Variants in SAMD12 observed in about 807,000 individuals in gnomAD.
The protein encoded by SAMD12 is sterile alpha motif domain-containing protein 12.
In SAMD12, 9 loss-of-function variants were observed where a neutral mutation model predicts 15.0. The ratio of observed to expected loss-of-function variants is 0.60; its 90% CI spans 0.36 to 1.05. The LOEUF is 1.05. Among genes scored for constraint, SAMD12 ranks in the 50% least tolerant of loss-of-function variants. The probability of loss-of-function intolerance (pLI) is 0.01; values close to 1 mark genes in which losing one functional copy is unlikely to be tolerated. For synonymous variants in SAMD12, 86 were observed against 90.1 expected (o/e 0.96, Z 0.25); for missense variants, 230 against 234.2 (o/e 0.98, Z 0.12).
chr8:118,255,887 G>C (rs957705575), intron 4 of SAMD12, among the ~76,000 whole-genome samples: 195 of 152,172 alleles, frequency 1.3e-3, no homozygotes, highest in African/African-American at 4.2e-3. Context: ...GGATGGCTGG[G>C]TCAAATGGTA....
intron 4 of SAMD12, among the ~76,000 whole-genome samples, chr8:118,355,679 A>G (rs528034772): frequency 2.6e-5 from 4 of 152,356 alleles, no homozygotes; most frequent in South Asian, 2.1e-4. Context: ...TTATGTACAC[A>G]GAAAGAAATT....
chr8:118,218,842 C>T (rs1812022104), intron 4 of SAMD12, among the ~76,000 whole-genome samples: 1 of 152,132 alleles, frequency 6.6e-6, no homozygotes, highest in Non-Finnish European at 1.5e-5. Context: ...AGTTGACCTT[C>T]ATCTCCTCTT....
At chr8:118,597,158 A>G (rs1827744940) in intron 1 of SAMD12, among the ~76,000 whole-genome samples, 1 of 152,282 alleles carries the variant, frequency 6.6e-6, no homozygotes, top group East Asian at 1.9e-4. Context: ...AGGAGCCTAC[A>G]GGCCACAAAA....
At chr8:118,180,726 C>A in the SAMD12 span, among the ~76,000 whole-genome samples, 1 of 150,738 alleles carries the variant, frequency 6.6e-6, no homozygotes. Context: ...GCACATGTCA[C>A]CACACCCAGC....
intron 3 of SAMD12, among the ~76,000 whole-genome samples, chr8:118,383,977 A>C (rs1411377817): frequency 6.6e-6 from 1 of 152,060 alleles, no homozygotes; most frequent in East Asian, 1.9e-4. Flanking sequence ...GATCCCAGAT[A>C]GTCATAAGTG....
rs1022695671 is a variant in SAMD12, at chr8:118,287,175, A to G, written c.434-89443T>C. ...AGTCTCGCTCTTTCGCCCAGGCCGG[A>G]CTACAGTGGCTCTATCTCGGCTCAC... On this transcript the variant is annotated intron_variant, in intron 4 of 4. Transcript: ENST00000409003. 1.6e-4 allele frequency among the ~76,000 whole-genome samples: 23 copies of G among 144,890 alleles called. No individual in the cohort carries two copies. The Admixed American group carries it at 1.6e-3, about 10-fold the overall frequency.
chr8:118,389,473 G>A (rs1473492558), intron 3 of SAMD12, among the ~76,000 whole-genome samples: 1 of 152,206 alleles, frequency 6.6e-6, no homozygotes, highest in East Asian at 1.9e-4. Context: ...CATTTTGGGA[G>A]CAGGCAGATC....
chr8:118,372,410 C>A (rs1289147360), intron 4 of SAMD12, among the ~76,000 whole-genome samples: 1 of 146,962 alleles, frequency 6.8e-6, no homozygotes, highest in African/African-American at 2.5e-5. Flanking sequence ...AGAACTTCTA[C>A]AAAGATGCAG....
chr8:118,452,241 C>G (rs144872791), intron 2 of SAMD12, among the ~76,000 whole-genome samples: 1 of 152,228 alleles, frequency 6.6e-6, no homozygotes, highest in East Asian at 1.9e-4. Flanking sequence ...TATGTGGTAC[C>G]TCATTATGGC....
chr8:118,529,932 T>C (rs1030609401), intron 2 of SAMD12, among the ~76,000 whole-genome samples: 7 of 152,236 alleles, frequency 4.6e-5, no homozygotes, highest in African/African-American at 9.6e-5. Context: ...GTTCTATTTT[T>C]AGTTCTTTGA....
chr8:118,157,078 A>C, the SAMD12 span, among the ~76,000 whole-genome samples: 4 of 152,342 alleles, frequency 2.6e-5, no homozygotes, highest in South Asian at 8.3e-4. Context: ...AGTTGGAGTC[A>C]CTAAAGTACA....
At chr8:118,301,264 G>A (rs1319068648) in intron 4 of SAMD12, among the ~76,000 whole-genome samples, 8 of 152,172 alleles carry the variant, frequency 5.3e-5, no homozygotes, top group Admixed American at 4.6e-4. Context: ...CCTATAACAT[G>A]CAACATATGT....
chr8:118,335,329 C>G (rs1171744742), intron 4 of SAMD12, among the ~76,000 whole-genome samples: 1 of 152,140 alleles, frequency 6.6e-6, no homozygotes, highest in Non-Finnish European at 1.5e-5. Flanking sequence ...CAGCTTTCCA[C>G]CAGGATCATG....
chr8:118,429,503 C>T (rs993281733), intron 3 of SAMD12, among the ~76,000 whole-genome samples: 1 of 152,174 alleles, frequency 6.6e-6, no homozygotes, highest in African/African-American at 2.4e-5. Flanking sequence ...TTGATCTATA[C>T]ATAAAAATAA....
intron 4 of SAMD12, among the ~76,000 whole-genome samples, chr8:118,270,147 C>T (rs1295763120): frequency 6.6e-6 from 1 of 152,170 alleles, no homozygotes. Flanking sequence ...TGTCTGCTCC[C>T]TAAATGGATT....
At chr8:118,502,014 C>G (rs1586768303) in intron 2 of SAMD12, among the ~76,000 whole-genome samples, 2 of 128,164 alleles carry the variant, frequency 1.6e-5, no homozygotes, top group South Asian at 5.4e-4. Flanking sequence ...AGCGAGACTC[C>G]GTCTCAAAAA....
At chr8:118,216,032 A>G (rs1811951775) in intron 4 of SAMD12, among the ~76,000 whole-genome samples, 1 of 151,754 alleles carries the variant, frequency 6.6e-6, no homozygotes, top group Non-Finnish European at 1.5e-5. Flanking sequence ...TCCCTGAGGA[A>G]TCACCACACT....
intron 1 of SAMD12, among the ~76,000 whole-genome samples, chr8:118,612,478 G>A (rs1035919874): frequency 6.6e-6 from 1 of 152,180 alleles, no homozygotes; most frequent in Non-Finnish European, 1.5e-5. Context: ...TAGCTGCATA[G>A]CTCAAGAAAC....
chr8:118,164,745 G>C, the SAMD12 span, among the ~76,000 whole-genome samples: 3 of 151,280 alleles, frequency 2.0e-5, no homozygotes, highest in Admixed American at 6.6e-5. Context: ...ATCTATAATA[G>C]AGAAATAAAT....
Sources: allele counts gnomAD v4.1 joint callset (sites outside exome capture counted in the v4.1 genomes callset), GRCh38; gene constraint gnomAD v4.1.1; transcripts MANE v1.5; gene names NCBI Gene and HGNC (gene_info 2026-07-23, HGNC 2026-07-21).